The following MYOM2 variants were observed in gnomAD, a reference collection of about 807,000 sequenced individuals.
MYOM2 encodes myomesin 2.
A neutral mutation model predicts 187.6 loss-of-function variants in MYOM2; 254 were observed. The ratio of observed to expected loss-of-function variants is 1.35; its 90% CI spans 1.22 to 1.50. MYOM2 has a LOEUF of 1.50. MYOM2 is among the 40% of genes most tolerant of loss of function. The probability of loss-of-function intolerance (pLI) is 0.00; values close to 1 mark genes in which losing one functional copy is unlikely to be tolerated. For missense variants in MYOM2, 2,796 were observed against 1,924.0 expected, an observed-to-expected ratio of 1.45 and a Z score of -8.48; for synonymous variants, 981 against 753.8, an observed-to-expected ratio of 1.30 and a Z score of -4.94.
chr8:2,051,032 G>A (rs117998939), intron 2 of MYOM2, among the ~76,000 whole-genome samples, 159 bp downstream of exon 2: 6,605 of 152,244 alleles, frequency 0.043, 184 homozygotes, highest in South Asian at 0.061. Flanking sequence ...CTGCCACGGA[G>A]CAGCACTCTG....
intron 19 of MYOM2, among the ~76,000 whole-genome samples, chr8:2,100,085 T>C (rs866434722): frequency 2.8e-4 from 16 of 56,202 alleles, no homozygotes; most frequent in East Asian, 8.6e-4. Context: ...TCCTTTCTTC[T>C]TTCCTTCCTT....
rs61733951 is a variant in MYOM2 at position 2,140,874 on chromosome 8, C to G, written c.3952C>G (p.Leu1318Val). The G allele has an allele frequency of 4.3e-6, 7 of 1,613,470 alleles. No homozygotes were observed. The highest frequency in any genetic ancestry group is 5.9e-6 in the Non-Finnish European group (7 of 1,179,656). ...GKDNHQRSLDLSGQAFDEAFA... is the reference protein window; with the variant it reads ...GKDNHQRSLDVSGQAFDEAFA... ...AGACAACCATCAACGCTCCCTTGAC[C>G]TGTCCGGACAAGGTAAGAGAATTCT... The change falls in exon 33 of 37, where the codon CTG becomes GTG. Residue 1318 changes from leucine (L) to valine (V), a missense_variant. Leu to Val is a conservative substitution (Grantham distance 32, BLOSUM62 1). Transcript: ENST00000262113.
intron 36 of MYOM2, 89 bp from the exon 37 acceptor site, chr8:2,144,575 G>C: frequency 7.8e-7 from 1 of 1,287,680 alleles, no homozygotes. Context: ...AAATGTAACT[G>C]AGTGTGACCT....
At chr8:2,057,545 C>T (rs1818709670) in intron 4 of MYOM2, 59 bp downstream of exon 4, 2 of 1,612,940 alleles carry the variant, frequency 1.2e-6, no homozygotes, top group African/African-American at 1.3e-5. Context: ...CTTAGCTTGT[C>T]TGCATGGTGC....
chr8:2,142,708 C>A (rs1324287360), intron 35 of MYOM2, among the ~76,000 whole-genome samples: 2 of 15,216 alleles, frequency 1.3e-4, no homozygotes, highest in Admixed American at 4.3e-4. Context: ...CCCTCCCCTT[C>A]CCTCCCTCCC....
At chr8:2,117,072 A>G (rs1056121629) in intron 27 of MYOM2, among the ~76,000 whole-genome samples, 6 of 152,240 alleles carry the variant, frequency 3.9e-5, no homozygotes, top group African/African-American at 1.2e-4. Flanking sequence ...CTCAAAAAAC[A>G]TTTTTATATA....
chr8:2,123,639 A>G lies in MYOM2; in HGVS notation c.3652A>G (p.Lys1218Glu), dbSNP rs973307877. 1.9e-6 allele frequency: 3 copies of G among 1,613,976 alleles called. No individual in the cohort carries two copies. The highest frequency in any genetic ancestry group is 2.5e-6 in the Non-Finnish European group (3 of 1,179,806). Residue 1218 changes from lysine to glutamate, a missense_variant, in exon 30 of 37, where the codon AAA (lysine) becomes GAA (glutamate). Lys to Glu is a moderately conservative substitution (Grantham distance 56). Coordinates refer to ENST00000262113, the MANE Select transcript of MYOM2 (RefSeq NM_003970.4). ...QDVSILEIAGKVYDDMILAMS... is the reference protein window; with the variant it reads ...QDVSILEIAGEVYDDMILAMS... ...TGTGTCCATCCTTGAAATAGCTGGC[A>G]AAGGTAAAAGAAAACCTCCTTTGTT...
chr8:2,129,621 A>T (rs1431775062), intron 32 of MYOM2, among the ~76,000 whole-genome samples: 1 of 152,178 alleles, frequency 6.6e-6, no homozygotes, highest in African/African-American at 2.4e-5. Flanking sequence ...GATTAAAAGT[A>T]CCAAAACAAG....
Position 2,072,387 on chromosome 8 carries a change from A to C in MYOM2, c.836A>C (p.Gln279Pro). Residue 279 changes from glutamine (Q) to proline (P), a missense_variant, in exon 9 of 37, where the codon CAG becomes CCG. Transcript: ENST00000262113. The part of the protein sequence containing the change: ...SMIPYTHFDV[Q>P]FLEKFGVTFR... ...ATTCCGTACACGCACTTCGACGTCC[A>C]GTTTTTGGAGAAGTTTGGGGTCACC... The C allele has an allele frequency of 6.2e-7, 1 of 1,613,870 alleles. No homozygotes were observed. The highest frequency in any genetic ancestry group is 8.5e-7 in the Non-Finnish European group (1 of 1,179,844).
chr8:2,101,507 G>A (rs146584259), intron 20 of MYOM2, among the ~76,000 whole-genome samples: 5 of 152,332 alleles, frequency 3.3e-5, no homozygotes, highest in African/African-American at 1.2e-4. Flanking sequence ...TGACCGGGGC[G>A]TGGCTGCTGA....
chr8:2,047,526 G>A (rs1041515588), intron 1 of MYOM2, among the ~76,000 whole-genome samples: 2 of 152,208 alleles, frequency 1.3e-5, no homozygotes, highest in Non-Finnish European at 2.9e-5. Context: ...GCTCTAAGGT[G>A]TTTTCATTGT....
chr8:2,085,467 C>CGCTGTCGTGATCTCTGTGTGGCCCACT, intron 14 of MYOM2, 77 bp downstream of exon 14: 1 of 1,521,994 alleles, frequency 6.6e-7, no homozygotes, highest in Non-Finnish European at 8.9e-7. Context: ...CGTGGCCCAC[C>CGCTGTCGTGATCTCTGTGTGGCCCACT]GCTGTCGTGA....
At chr8:2,091,620 G>A (rs185158618) in intron 15 of MYOM2, among the ~76,000 whole-genome samples, 18 of 152,328 alleles carry the variant, frequency 1.2e-4, no homozygotes, top group African/African-American at 3.8e-4. Flanking sequence ...AAGGTCACGA[G>A]GCCGGCTGCC....
In MYOM2 at chr8:2,100,985, C is replaced by T. The variant is rs1189709252; in HGVS notation, c.2550C>T (p.Asp850=). The T allele has an allele frequency of 1.2e-6, 2 of 1,614,146 alleles. No homozygotes were observed. The highest frequency in any genetic ancestry group is 1.7e-6 in the Non-Finnish European group (2 of 1,180,032). The change falls in exon 20 of 37, where the codon GAC becomes GAT. Residue 850 remains aspartate, a synonymous_variant. Coordinates refer to ENST00000262113, the MANE Select transcript of MYOM2 (RefSeq NM_003970.4). The part of the protein sequence containing the change: ...GSSPVSGYFV[D]FREEDAGEWI... ...GCCCTGTTTCTGGATATTTCGTGGA[C>T]TTCAGGGAGGAGGATGCTGGAGAGT... is the stretch of plus-strand genomic sequence containing the variant.
chr8:2,084,743 G>T (rs1190017690), intron 13 of MYOM2, among the ~76,000 whole-genome samples: 1 of 152,168 alleles, frequency 6.6e-6, no homozygotes, highest in Non-Finnish European at 1.5e-5. Flanking sequence ...CTGTGAATAT[G>T]GTACTGAGCT....
intron 3 of MYOM2, among the ~76,000 whole-genome samples, chr8:2,054,153 A>T (rs1818581536): frequency 1.3e-5 from 2 of 152,132 alleles, no homozygotes; most frequent in Non-Finnish European, 2.9e-5. Context: ...CCCAACGTGG[A>T]TATTAGTTTA....
At chr8:2,056,463 TG>T (rs1818668308) in intron 3 of MYOM2, among the ~76,000 whole-genome samples, 1 of 151,692 alleles carries the variant, frequency 6.6e-6, no homozygotes, top group South Asian at 2.1e-4. Context: ...CTGGCCGTGT[TG>T]GGGTGCGATT....
intron 17 of MYOM2, among the ~76,000 whole-genome samples, chr8:2,094,325 A>G (rs1278366808): frequency 9.2e-6 from 1 of 108,548 alleles, no homozygotes; most frequent in Non-Finnish European, 1.8e-5. Context: ...AAAATAGAAA[A>G]CATTGTTGTT....
intron 8 of MYOM2, among the ~76,000 whole-genome samples, chr8:2,071,247 G>A (rs957720192): frequency 6.6e-6 from 1 of 151,624 alleles, no homozygotes; most frequent in Admixed American, 6.6e-5. Flanking sequence ...CTCCCACCTT[G>A]GCCTCCCAAA....
Sources: allele counts gnomAD v4.1 joint callset (sites outside exome capture counted in the v4.1 genomes callset), GRCh38; gene constraint gnomAD v4.1.1; transcripts MANE v1.5; gene names NCBI Gene and HGNC (gene_info 2026-07-23, HGNC 2026-07-21).